The following LRP1 variants were observed in gnomAD, a reference collection of about 807,000 sequenced individuals.
The protein encoded by LRP1 is LDL receptor related protein 1.
In LRP1, 51 loss-of-function variants were observed where a neutral mutation model predicts 541.5. The ratio of observed to expected loss-of-function variants is 0.09; its 90% CI spans 0.08 to 0.12. LRP1 has a LOEUF of 0.12. Ranked by LOEUF, LRP1 falls within the 10% of genes least tolerant of loss-of-function variation. The probability of loss-of-function intolerance (pLI) is 1.00; values close to 1 mark genes in which losing one functional copy is unlikely to be tolerated. For synonymous variants in LRP1, 2,219 were observed against 2,470.8 expected (o/e 0.90, Z 3.02); for missense variants, 3,878 against 6,376.2 (o/e 0.61, Z 13.34).
intron 44 of LRP1, 35 bp downstream of exon 44, chr12:57,191,547 T>C: frequency 6.5e-7 from 1 of 1,549,590 alleles, no homozygotes. Context: ...CTCACCCTCC[T>C]GCCTGTCGTG....
rs1443012276 is a variant in LRP1 at position 57,210,702 on chromosome 12, C to T, written c.12755-16C>T. ...CTCGAGGGCCACAGTCGCGCTCACA[C>T]ATCCTCTCCCACCAGGCATGCCCAC... On this transcript the variant is annotated splice_polypyrimidine_tract_variant and intron_variant, in intron 82 of 88. Coordinates refer to ENST00000243077, the MANE Select transcript of LRP1 (RefSeq NM_002332.3). 1.2e-6 allele frequency: 2 copies of T among 1,601,996 alleles called. No individual in the cohort carries two copies. The highest frequency in any genetic ancestry group is 1.7e-6 in the Non-Finnish European group (2 of 1,170,692).
In LRP1 at chr12:57,154,226, T is replaced by C; in HGVS notation, c.860T>C (p.Ile287Thr). ...TCTCCAGACGTGGAACAGATGGCCA[T>C]CGACTGGCTGACAGGCAACTTCTAC... ...LSLHHVEQMAIDWLTGNFYFV... is the reference protein window; with the variant it reads ...LSLHHVEQMATDWLTGNFYFV... The change falls in exon 7 of 89, where the codon ATC becomes ACC. Residue 287 changes from isoleucine (I) to threonine (T), a missense_variant. By Grantham distance (89) the Ile-to-Thr change is moderately conservative. Around this residue, in one of 13 missense-constraint regions of LRP1, gnomAD observed 293 missense variants for 403.7 expected, o/e 0.73. Transcript: ENST00000243077. This position sits in a 1 kb window ranked among gnomAD's most constrained non-coding sequence, Gnocchi z 4.6. 6.2e-7 allele frequency: 1 copy of C among 1,614,072 alleles called. No homozygotes were observed. Among genetic ancestry groups the C allele is most frequent in the African/African-American group, 1.3e-5 (1 of 75,044 alleles).
intron 1 of LRP1, among the ~76,000 whole-genome samples, chr12:57,133,577 C>G (rs918806859): frequency 2.0e-5 from 3 of 152,030 alleles, no homozygotes; most frequent in African/African-American, 7.3e-5. Context: ...GCCCCACCCC[C>G]ATAAGGTCGA....
In LRP1 at chr12:57,158,593, C is replaced by T. The variant is rs763726478; in HGVS notation, c.1753C>T (p.Arg585Cys). 7.4e-6 allele frequency: 12 copies of T among 1,614,010 alleles called. No homozygotes were observed. The highest frequency in any genetic ancestry group is 4.5e-5 in the East Asian group (2 of 44,888). Residue 585 changes from arginine (R) to cysteine (C), a missense_variant, in exon 11 of 89, where the codon CGC becomes TGC. Physicochemically the swap from Arg to Cys is radical, Grantham distance 180. Around this residue, in one of 13 missense-constraint regions of LRP1, gnomAD observed 496 missense variants for 861.0 expected, o/e 0.58. Coordinates refer to ENST00000243077, the MANE Select transcript of LRP1 (RefSeq NM_002332.3). The surrounding 1 kb of genome is among the most constrained non-coding windows in gnomAD (Gnocchi z 5.3). ...CGACACCACCAGCTACCTCATTGGCCGCCAGAAGATTGATGGCACTGAGCG... is the reference window on the plus strand; with the variant it reads ...CGACACCACCAGCTACCTCATTGGCTGCCAGAAGATTGATGGCACTGAGCG... ...FADTTSYLIG[R>C]QKIDGTERET...
rs760300449 is a variant in LRP1, at chr12:57,158,441, G to A, written c.1601G>A (p.Arg534Gln). 19 of 1,613,540 alleles carry A rather than the reference G, an allele frequency of 1.2e-5. No individual in the cohort carries two copies. The highest frequency in any genetic ancestry group is 1.6e-4 in the Middle Eastern group (1 of 6,078). Residue 534 changes from arginine to glutamine, a missense_variant, in exon 11 of 89, where the codon CGG becomes CAG. Coordinates refer to ENST00000243077, the MANE Select transcript of LRP1 (RefSeq NM_002332.3). The surrounding 1 kb of genome is among the most constrained non-coding windows in gnomAD (Gnocchi z 5.3). ...HELFLVYGKG[R>Q]PGIIRGMDMG... ...CTGTTCCTCGTGTATGGCAAGGGCC[G>A]GCCAGGCATCATCCGGGGCATGGAT...
In LRP1 at chr12:57,194,728, T is replaced by A. The variant is rs201395401; in HGVS notation, c.8191+29T>A. ...AGTGACCACTGCACCCACTCAGTGC[T>A]CCAAGAGCCTGCTGGGCCCCACTTC... On this transcript the variant is annotated intron_variant, in intron 50 of 88. Transcript: ENST00000243077. 1.1e-5 allele frequency: 16 copies of A among 1,523,798 alleles called. No homozygotes were observed. The Admixed American group carries it at 2.1e-4, about 20-fold the overall frequency. The allele number at this position is 1,523,798 out of a possible 1,614,324, so 94.4% of individuals were successfully genotyped here. A position where few individuals can be genotyped will look rare whatever the true frequency, so the allele number is the denominator to read the frequency against.
At chr12:57,143,188 TG>T (rs542882017) in intron 3 of LRP1, among the ~76,000 whole-genome samples, 116 of 152,344 alleles carry the variant, frequency 7.6e-4, no homozygotes, top group African/African-American at 2.6e-3. Flanking sequence ...GCCTTCTCTC[TG>T]AGGCCTCTAG....
chr12:57,191,172 C>A, intron 43 of LRP1, 148 bp from the exon 44 acceptor site: 1 of 1,083,958 alleles, frequency 9.2e-7, no homozygotes, highest in African/African-American at 1.6e-5. Flanking sequence ...GTCCAGCTTG[C>A]TCCTCATCAG....
In LRP1 at chr12:57,195,075, A is replaced by T; in HGVS notation, c.8282A>T (p.Asp2761Val). 1 of 1,613,970 alleles carries T rather than the reference A, an allele frequency of 6.2e-7. No homozygotes were observed. The change falls in exon 51 of 89, where the codon GAT becomes GTT. Residue 2761 changes from aspartate (D) to valine (V), a missense_variant. This residue lies in a region of LRP1 where 1,100 missense variants were observed against 1,827.4 expected (regional missense o/e 0.60). Transcript: ENST00000243077. ...TGTGACGGCAGCGATGACTGTGGGG[A>T]TGGCTCAGACGAGGCTGCTCACTGT... is the stretch of plus-strand genomic sequence containing the variant. ...WLCDGSDDCGDGSDEAAHCEG... is the reference protein window; with the variant it reads ...WLCDGSDDCGVGSDEAAHCEG...
chr12:57,163,109 C>A, intron 15 of LRP1, 126 bp downstream of exon 15: 1 of 1,341,734 alleles, frequency 7.5e-7, no homozygotes, highest in Non-Finnish European at 9.9e-7. Flanking sequence ...CCTTAGGGGG[C>A]CAACAGGAAG....
At chr12:57,142,514 G>C (rs1049072087) in intron 3 of LRP1, among the ~76,000 whole-genome samples, 3 of 152,124 alleles carry the variant, frequency 2.0e-5, no homozygotes, top group African/African-American at 7.2e-5. Context: ...TGAAGCTCCT[G>C]GGACGGGATG....
At position 57,133,971 on chromosome 12, in the gene LRP1, C is replaced by T. The variant is rs139041619; in HGVS notation, c.68-4488C>T. The stretch of plus-strand genomic sequence containing the variant: ...TGGCCAGGCATTCTCACCCCACTTC[C>T]CCACCCCCAAGGTCCCAGAATGGGA... On this transcript the variant is annotated intron_variant, in intron 1 of 88. Coordinates refer to ENST00000243077, the MANE Select transcript of LRP1 (RefSeq NM_002332.3). 8.4e-4 allele frequency among the ~76,000 whole-genome samples: 128 copies of T among 152,254 alleles called. 3 individuals are homozygous for T. In the East Asian group the frequency reaches 0.014, roughly 17 times the overall value.
At chr12:57,146,080 C>G (rs1439122338) in intron 6 of LRP1, among the ~76,000 whole-genome samples, 1 of 152,148 alleles carries the variant, frequency 6.6e-6, no homozygotes, top group Non-Finnish European at 1.5e-5. Flanking sequence ...TGCTTCCATT[C>G]AGGCTTCTCC....
chr12:57,170,745 G>A (rs2035929595), intron 20 of LRP1, among the ~76,000 whole-genome samples: 1 of 152,168 alleles, frequency 6.6e-6, no homozygotes, highest in Non-Finnish European at 1.5e-5. Context: ...GAGCCCAGGA[G>A]GTTGAGGCTG....
Position 57,192,853 on chromosome 12 carries a change from T to C in LRP1, c.7438T>C (p.Ser2480Pro). Reference sequence around the variant, plus strand: ...ACCCTGTCCCTGCTCAGGTGAACTCTCTCCATGCCGAATCAACAACGGTGG... The same window carrying C: ...ACCCTGTCCCTGCTCAGGTGAACTCCCTCCATGCCGAATCAACAACGGTGG... ...VANDTNSCEL[S>P]PCRINNGGCQ... The change falls in exon 45 of 89, where the codon TCT becomes CCT. Residue 2480 changes from serine (S) to proline (P), a missense_variant. Around this residue, in one of 13 missense-constraint regions of LRP1, gnomAD observed 1,100 missense variants for 1,827.4 expected, o/e 0.60. Transcript: ENST00000243077. 6.2e-7 allele frequency: 1 copy of C among 1,613,966 alleles called. No homozygotes were observed.
chr12:57,191,120 A>G, intron 43 of LRP1, 111 bp downstream of exon 43: 1 of 1,236,972 alleles, frequency 8.1e-7, no homozygotes, highest in African/African-American at 1.5e-5. Flanking sequence ...AGCTGGGAGG[A>G]GGTGAGTGCC....
chr12:57,166,402 A>T (rs2035840783), intron 17 of LRP1, 193 bp downstream of exon 17: 2 of 697,526 alleles, frequency 2.9e-6, no homozygotes, highest in South Asian at 4.2e-5. Context: ...TACAAAAAAA[A>T]TTTAAAAAAA....
Position 57,208,703 on chromosome 12 carries a change from C to A in LRP1, c.12039-8C>A, listed in dbSNP as rs566475553. 3.1e-6 allele frequency: 5 copies of A among 1,595,420 alleles called. No individual in the cohort carries two copies. The South Asian group carries it at 5.5e-5, about 18-fold the overall frequency. Reference sequence around the variant, plus strand: ...GCCTGCCCACACTCACCCCTTCTCCCTCCCCAGGACCATGTACTGGTCAGA... The same window carrying A: ...GCCTGCCCACACTCACCCCTTCTCCATCCCCAGGACCATGTACTGGTCAGA... On this transcript the variant is annotated splice_polypyrimidine_tract_variant and splice_region_variant and intron_variant, in intron 77 of 88. Coordinates refer to ENST00000243077, the MANE Select transcript of LRP1 (RefSeq NM_002332.3).
chr12:57,204,923 G>C lies in LRP1; in HGVS notation c.11194+174G>C. The C allele has an allele frequency of 6.7e-6, 9 of 1,340,166 alleles. No homozygotes were observed. Among genetic ancestry groups the C allele is most frequent in the Non-Finnish European group, 9.1e-6 (9 of 988,664 alleles). The allele number at this position is 1,340,166 out of a possible 1,614,324, so 83.0% of individuals were successfully genotyped here. A position where few individuals can be genotyped will look rare whatever the true frequency, so the allele number is the denominator to read the frequency against. On this transcript the variant is annotated intron_variant, in intron 72 of 88. Coordinates refer to ENST00000243077, the MANE Select transcript of LRP1 (RefSeq NM_002332.3). The surrounding 1 kb of genome is among the most constrained non-coding windows in gnomAD (Gnocchi z 5.3). ...TTTCGTTAGGAAAGAGAAGCCCCTG[G>C]GGAAGGCTCTGGGGGCTGCCTGATG...
Sources: allele counts gnomAD v4.1 joint callset (sites outside exome capture counted in the v4.1 genomes callset), GRCh38; gene constraint gnomAD v4.1.1; regional missense constraint gnomAD v4.1.1; non-coding constraint Gnocchi (gnomAD v3.1); transcripts MANE v1.5; gene names NCBI Gene and HGNC (gene_info 2026-07-23, HGNC 2026-07-21).